The following SIK3 variants were observed in gnomAD, a reference collection of about 807,000 sequenced individuals.
SIK3 encodes SIK family kinase 3, also known as serine/threonine-protein kinase SIK3.
A neutral mutation model predicts 144.2 loss-of-function variants in SIK3; 28 were observed. The ratio of observed to expected loss-of-function variants is 0.19; its 90% CI spans 0.14 to 0.27. The LOEUF (loss-of-function observed/expected upper bound fraction) is 0.27. SIK3 is among the 10% of genes least tolerant of loss of function. The pLI is 1.00. For missense variants in SIK3, 1,319 were observed against 1,776.0 expected, an observed-to-expected ratio of 0.74 and a Z score of 4.62; for synonymous variants, 686 against 676.3, an observed-to-expected ratio of 1.01 and a Z score of -0.22.
In SIK3 at chr11:116,996,865, C is replaced by T. The variant is rs77182684; in HGVS notation, c.274-39801G>A. On this transcript the variant is annotated intron_variant, in intron 1 of 24. Coordinates refer to ENST00000445177, the MANE Select transcript of SIK3 (RefSeq NM_001366686.3). ...AAAAAAAAGACATTTCTCTATTTCT[C>T]TACTTGTTATAAAAAGAATAAACAA... is the stretch of plus-strand genomic sequence containing the variant. Among the ~76,000 whole-genome samples the T allele has an allele frequency of 9.7e-3, 1,358 of 139,296 alleles. 25 individuals are homozygous for T. Among genetic ancestry groups the T allele is most frequent in the African/African-American group, 0.034 (1,289 of 38,460 alleles). The allele number at this position is 139,296 out of a possible 152,430, so 91.4% of individuals were successfully genotyped here. A position where few individuals can be genotyped will look rare whatever the true frequency, so the allele number is the denominator to read the frequency against.
intron 1 of SIK3, among the ~76,000 whole-genome samples, chr11:116,965,391 A>C (rs1489004600): frequency 6.6e-6 from 1 of 152,052 alleles, no homozygotes; most frequent in East Asian, 1.9e-4. Context: ...TTTTAAAAAA[A>C]AGGAGTGGAG....
At chr11:116,900,195 C>T (rs973342121) in intron 4 of SIK3, among the ~76,000 whole-genome samples, 2 of 152,192 alleles carry the variant, frequency 1.3e-5, no homozygotes, top group African/African-American at 2.4e-5. Flanking sequence ...TGCTTTTACC[C>T]TCATTAGTGA....
intron 3 of SIK3, among the ~76,000 whole-genome samples, chr11:116,949,634 G>C (rs1948842203): frequency 6.6e-6 from 1 of 152,166 alleles, no homozygotes; most frequent in Non-Finnish European, 1.5e-5. Context: ...CCCAGCCAGT[G>C]ATTTATTTTC....
chr11:116,875,058 G>T, intron 11 of SIK3, 100 bp downstream of exon 11: 2 of 875,346 alleles, frequency 2.3e-6, no homozygotes, highest in South Asian at 3.0e-5. Context: ...GATCTCCTCT[G>T]GGGATACAAT....
intron 2 of SIK3, 134 bp downstream of exon 2, chr11:116,956,814 T>G: frequency 1.9e-6 from 1 of 522,126 alleles, no homozygotes; most frequent in South Asian, 4.2e-5. Flanking sequence ...AACAGAAGGG[T>G]AGGAAAGATA....
At chr11:116,870,074 A>C in intron 14 of SIK3, 1 of 1,440,270 alleles carries the variant, frequency 6.9e-7, no homozygotes, top group South Asian at 1.2e-5. Flanking sequence ...ACAAGGAAGA[A>C]GGAGGGAGGA....
rs182931679 is a variant in SIK3 at position 116,876,073 on chromosome 11, C to A, written c.1096-64G>T. The A allele has an allele frequency of 1.7e-3, 2,652 of 1,593,468 alleles. 82 individuals are homozygous for A. The Admixed American group carries it at 0.043, about 26-fold the overall frequency. ...GAAATGGCATGTTGATGACCAGAAC[C>A]CTTTCAGTAATAACATTAGCCAAAG... On this transcript the variant is annotated intron_variant, in intron 8 of 24. Transcript: ENST00000445177.
At chr11:116,850,219 C>G (rs1287964127) in intron 21 of SIK3, among the ~76,000 whole-genome samples, 1 of 152,152 alleles carries the variant, frequency 6.6e-6, no homozygotes, top group Non-Finnish European at 1.5e-5. Context: ...CTACTACTAC[C>G]CTACAAAGAC....
intron 1 of SIK3, among the ~76,000 whole-genome samples, chr11:116,984,113 C>A (rs1029524153): frequency 6.6e-6 from 1 of 150,954 alleles, no homozygotes; most frequent in Non-Finnish European, 1.5e-5. Context: ...GAAGCAGCAG[C>A]GGTTTGTGGG....
intron 9 of SIK3, chr11:116,875,654 CA>C (rs1038652173): frequency 3.3e-5 from 27 of 817,066 alleles, no homozygotes; most frequent in Middle Eastern, 7.3e-4. Flanking sequence ...TTCAAAAAAA[CA>C]AAAGGCACAA....
intron 4 of SIK3, among the ~76,000 whole-genome samples, chr11:116,912,659 A>T (rs138656736): frequency 3.9e-5 from 6 of 152,308 alleles, no homozygotes; most frequent in African/African-American, 1.2e-4. Context: ...GAGGGGAAAA[A>T]GTGAAGTGGG....
chr11:117,051,560 C>T (rs1428795223), intron 1 of SIK3, among the ~76,000 whole-genome samples: 1 of 151,530 alleles, frequency 6.6e-6, no homozygotes, highest in Non-Finnish European at 1.5e-5. Flanking sequence ...ACCGAGTCTC[C>T]CTCAGTCACC....
intron 6 of SIK3, among the ~76,000 whole-genome samples, chr11:116,887,100 A>G (rs900469262): frequency 6.6e-6 from 1 of 152,142 alleles, no homozygotes; most frequent in South Asian, 2.1e-4. Flanking sequence ...AATAACTCAT[A>G]TAACAAAACT....
chr11:116,857,678 CAAG>C (rs1227722138), intron 21 of SIK3, 129 bp downstream of exon 21: 1 of 1,431,864 alleles, frequency 7.0e-7, no homozygotes, highest in South Asian at 1.5e-5. Context: ...TGCTTCTCCC[CAAG>C]AAGGTCGTGA....
At chr11:116,863,889 G>A in intron 15 of SIK3, 71 bp from the exon 16 acceptor site, 1 of 1,447,232 alleles carries the variant, frequency 6.9e-7, no homozygotes, top group Non-Finnish European at 9.3e-7. Flanking sequence ...AGGGACTGCT[G>A]TTCCAGATGA....
At chr11:117,070,857 A>G (rs1954245258) in intron 1 of SIK3, among the ~76,000 whole-genome samples, 1 of 150,138 alleles carries the variant, frequency 6.7e-6, no homozygotes, top group South Asian at 2.1e-4. Context: ...GGTTCGAGCA[A>G]TTCTCCTGTC....
intron 1 of SIK3, among the ~76,000 whole-genome samples, chr11:117,063,882 T>A (rs538831357): frequency 5.9e-5 from 9 of 151,962 alleles, no homozygotes; most frequent in Admixed American, 4.6e-4. Flanking sequence ...TTCTTAAGAT[T>A]CCCCATCTTA....
chr11:116,866,441 CTTTA>C (rs140007361), intron 15 of SIK3, among the ~76,000 whole-genome samples: 12 of 152,042 alleles, frequency 7.9e-5, no homozygotes, highest in Non-Finnish European at 1.6e-4. Context: ...TCAAAGTGCT[CTTTA>C]TTTATTTATT....
chr11:116,964,069 C>T (rs61905678), intron 1 of SIK3, among the ~76,000 whole-genome samples: 24,558 of 152,042 alleles, frequency 0.16, 2,075 homozygotes, highest in Admixed American at 0.21. Flanking sequence ...AGTGCAGTGA[C>T]ACGACCATAG....
Sources: gnomAD v4.1 joint callset for allele counts (sites outside exome capture counted in the v4.1 genomes callset) on GRCh38, gnomAD v4.1.1 for gene constraint, MANE v1.5 for transcripts, NCBI Gene and HGNC (gene_info 2026-07-23, HGNC 2026-07-21) for gene names.